The following IQCM variants were observed in gnomAD, a reference collection of about 807,000 sequenced individuals.
IQCM encodes the protein IQ domain-containing protein M.
In IQCM, 45 loss-of-function variants were observed where a neutral mutation model predicts 57.6. The ratio of observed to expected loss-of-function variants is 0.78; its 90% CI spans 0.62 to 1.00. The LOEUF is 1.00. IQCM is among the 50% of genes least tolerant of loss of function. The probability of loss-of-function intolerance (pLI) is 0.00; values close to 1 mark genes in which losing one functional copy is unlikely to be tolerated. For missense variants in IQCM, 468 were observed against 511.6 expected (o/e 0.91, Z 0.82); for synonymous variants, 148 against 158.9 (o/e 0.93, Z 0.51).
chr4:149,620,183 A>C (rs1213021565), intron 8 of IQCM, among the ~76,000 whole-genome samples: 1 of 152,110 alleles, frequency 6.6e-6, no homozygotes, highest in Admixed American at 6.6e-5. Flanking sequence ...GAAAAGAAGA[A>C]GAAGAAAGAC....
At chr4:149,387,632 T>A (rs1731515140) in intron 13 of IQCM, among the ~76,000 whole-genome samples, 1 of 152,104 alleles carries the variant, frequency 6.6e-6, no homozygotes, top group Admixed American at 6.6e-5. Context: ...TATTTTTAAT[T>A]ATTTTCCTCT....
chr4:149,439,960 CT>C (rs554542262), intron 12 of IQCM, among the ~76,000 whole-genome samples: 252 of 141,514 alleles, frequency 1.8e-3, no homozygotes, highest in Middle Eastern at 7.3e-3. Context: ...TGTTGCTATT[CT>C]TTTTTTTTTT....
chr4:149,539,385 G>A (rs964575785), intron 12 of IQCM, among the ~76,000 whole-genome samples: 6 of 152,092 alleles, frequency 3.9e-5, no homozygotes. Context: ...CTGGGGCTGG[G>A]GGTAAGAGTA....
chr4:149,529,992 A>G (rs1260786597), intron 12 of IQCM, among the ~76,000 whole-genome samples: 1 of 152,040 alleles, frequency 6.6e-6, no homozygotes, highest in East Asian at 1.9e-4. Flanking sequence ...TTCCAGCTAC[A>G]CTGGCTTTCT....
chr4:149,794,592 G>C (rs1772943797), intron 2 of IQCM, among the ~76,000 whole-genome samples: 1 of 152,062 alleles, frequency 6.6e-6, no homozygotes, highest in African/African-American at 2.4e-5. Flanking sequence ...GACATTTGAG[G>C]AAAATCAATA....
chr4:149,679,947 G>T (rs987472008), intron 7 of IQCM, among the ~76,000 whole-genome samples: 1 of 151,256 alleles, frequency 6.6e-6, no homozygotes, highest in African/African-American at 2.4e-5. Context: ...ACAAAGTGTG[G>T]ACCACTCTTA....
chr4:149,607,908 T>A (rs962229157), intron 8 of IQCM, among the ~76,000 whole-genome samples: 1 of 151,872 alleles, frequency 6.6e-6, no homozygotes, highest in African/African-American at 2.4e-5. Flanking sequence ...ATGGCAGTAG[T>A]AAGTCCTTAC....
At chr4:149,690,891 C>G (rs536538614) in intron 5 of IQCM, 1 of 151,984 alleles carries the variant, frequency 6.6e-6, no homozygotes, top group Admixed American at 6.6e-5. Flanking sequence ...AGGTACAGAG[C>G]CAGGACTCCA....
intron 12 of IQCM, among the ~76,000 whole-genome samples, chr4:149,507,848 G>A (rs1205847041): frequency 6.6e-6 from 1 of 152,112 alleles, no homozygotes; most frequent in African/African-American, 2.4e-5. Context: ...AAAGACCTTT[G>A]CGGCAGCCCC....
intron 13 of IQCM, among the ~76,000 whole-genome samples, chr4:149,355,580 T>A (rs1316284148): frequency 6.6e-6 from 1 of 152,162 alleles, no homozygotes; most frequent in Admixed American, 6.5e-5. Context: ...AACTCATCAT[T>A]TTTTATAGCT....
intron 5 of IQCM, among the ~76,000 whole-genome samples, chr4:149,695,655 T>C (rs1763279677): frequency 6.6e-6 from 1 of 152,164 alleles, no homozygotes; most frequent in South Asian, 2.1e-4. Context: ...TTTAGTATGC[T>C]TATAGGTTAT....
chr4:149,575,474 A>G (rs1751544734), intron 9 of IQCM, among the ~76,000 whole-genome samples: 1 of 151,870 alleles, frequency 6.6e-6, no homozygotes, highest in Non-Finnish European at 1.5e-5. Flanking sequence ...CTCCTCCTGA[A>G]GTGGAAGATA....
At position 149,563,860 on chromosome 4, in the gene IQCM, T is replaced by C; in HGVS notation, c.780A>G (p.Lys260=). 1 of 1,230,716 alleles carries C rather than the reference T, an allele frequency of 8.1e-7. No individual in the cohort carries two copies. The highest frequency in any genetic ancestry group is 1.0e-6 in the Non-Finnish European group (1 of 986,690). 76.2% of individuals were successfully genotyped at this position (1,230,716 alleles called of 1,614,324 possible). A position where few individuals can be genotyped will look rare whatever the true frequency, so the allele number is the denominator to read the frequency against. ...RIKGTPNKTD[K]LDSKVKRIGP... ...CAATTCTTTTAACTTTACTGTCAAG[T>C]TTATCAGTTTTATTTGGAGTACCTT... is the stretch of plus-strand genomic sequence containing the variant. Residue 260 remains lysine, a synonymous_variant, in exon 10 of 14, where the codon AAA becomes AAG. Coordinates refer to ENST00000636793, the MANE Select transcript of IQCM (RefSeq NM_001363507.2).
chr4:149,394,792 T>C (rs578036624), intron 13 of IQCM, among the ~76,000 whole-genome samples: 100 of 152,188 alleles, frequency 6.6e-4, no homozygotes, highest in African/African-American at 2.3e-3. Flanking sequence ...AAAGATTTAC[T>C]ATAGTTTTGT....
chr4:149,482,405 A>G (rs1052635479), intron 12 of IQCM, among the ~76,000 whole-genome samples: 2 of 151,964 alleles, frequency 1.3e-5, no homozygotes, highest in African/African-American at 4.8e-5. Flanking sequence ...ATATGATACT[A>G]GCTGTGAGTC....
At chr4:149,544,698 A>T (rs1279599003) in intron 12 of IQCM, among the ~76,000 whole-genome samples, 1 of 152,170 alleles carries the variant, frequency 6.6e-6, no homozygotes. Context: ...AAAACGGACA[A>T]ATAGACCAAT....
chr4:149,540,738 T>A (rs1313397615), intron 12 of IQCM, among the ~76,000 whole-genome samples: 1 of 152,148 alleles, frequency 6.6e-6, no homozygotes, highest in Non-Finnish European at 1.5e-5. Flanking sequence ...CAAATGTTAA[T>A]GGAGGAACTT....
At chr4:149,606,876 GA>G (rs1340659522) in intron 8 of IQCM, among the ~76,000 whole-genome samples, 3 of 152,002 alleles carry the variant, frequency 2.0e-5, no homozygotes, top group East Asian at 1.9e-4. Flanking sequence ...AGAAAAAAGA[GA>G]AAAAAATACA....
chr4:149,356,527 T>C (rs1728996934), intron 13 of IQCM, among the ~76,000 whole-genome samples: 1 of 152,142 alleles, frequency 6.6e-6, no homozygotes, highest in African/African-American at 2.4e-5. Context: ...CTTGTTTTTC[T>C]CAGGTTTGTC....
Sources: allele counts gnomAD v4.1 joint callset (sites outside exome capture counted in the v4.1 genomes callset), GRCh38; gene constraint gnomAD v4.1.1; transcripts MANE v1.5; gene names NCBI Gene and HGNC (gene_info 2026-07-23, HGNC 2026-07-21).